The following CLDN16 variants were observed in gnomAD, a reference collection of about 807,000 sequenced individuals.
CLDN16 encodes the protein claudin 16, also known as claudin-16.
CLDN16 carries 13 observed loss-of-function variants against 24.6 expected under a neutral mutation model. That is an observed-to-expected ratio of 0.53 (90% CI 0.34 to 0.84). The LOEUF is 0.84. Among genes scored for constraint, CLDN16 ranks in the 40% least tolerant of loss-of-function variants. The pLI is 0.01. For missense variants in CLDN16, 298 were observed against 292.7 expected (o/e 1.02, Z -0.13); for synonymous variants, 116 against 106.7 (o/e 1.09, Z -0.54).
intron 1 of CLDN16, among the ~76,000 whole-genome samples, chr3:190,340,656 C>T (rs373513812): frequency 4.6e-5 from 7 of 152,114 alleles, no homozygotes; most frequent in African/African-American, 1.7e-4. Flanking sequence ...TAATCTTGTT[C>T]TAACATTTCA....
intron 1 of CLDN16, among the ~76,000 whole-genome samples, chr3:190,401,923 T>C (rs6770981): frequency 0.014 from 2,117 of 152,162 alleles, 45 homozygotes; most frequent in African/African-American, 0.049. Flanking sequence ...TTTAATAGAC[T>C]CAAGGTGTCA....
the CLDN16 span, among the ~76,000 whole-genome samples, chr3:190,314,263 T>C: frequency 6.6e-6 from 1 of 152,210 alleles, no homozygotes; most frequent in East Asian, 1.9e-4. Flanking sequence ...AGTGTTAATA[T>C]TGTCAAGATT....
chr3:190,353,404 C>A (rs1354455531), intron 1 of CLDN16, among the ~76,000 whole-genome samples: 1 of 151,998 alleles, frequency 6.6e-6, no homozygotes, highest in Non-Finnish European at 1.5e-5. Flanking sequence ...ATGGCAATGG[C>A]TTTCAAAGTC....
chr3:190,337,739 G>A (rs79710623), intron 1 of CLDN16, among the ~76,000 whole-genome samples: 5 of 152,264 alleles, frequency 3.3e-5, no homozygotes, highest in Admixed American at 1.3e-4. Context: ...GGATGTGTTT[G>A]CCTTTTCTAC....
At chr3:190,324,076 G>T (rs1320157565) in intron 1 of CLDN16, among the ~76,000 whole-genome samples, 2 of 152,156 alleles carry the variant, frequency 1.3e-5, no homozygotes, top group Non-Finnish European at 2.9e-5. Flanking sequence ...ATCAGAGAAG[G>T]CACTGGAATT....
chr3:190,391,976 T>C (rs1356965212), intron 1 of CLDN16, among the ~76,000 whole-genome samples: 2 of 152,202 alleles, frequency 1.3e-5, no homozygotes, highest in Non-Finnish European at 2.9e-5. Context: ...CTGCCTTCTA[T>C]TAAGCAAGTC....
intron 1 of CLDN16, among the ~76,000 whole-genome samples, chr3:190,393,810 G>A (rs142274053): frequency 6.7e-6 from 1 of 148,158 alleles, no homozygotes; most frequent in Non-Finnish European, 1.5e-5. Flanking sequence ...GAGTGCAGTG[G>A]CATGATCTTG....
chr3:190,350,267 C>T (rs139852436), intron 1 of CLDN16, among the ~76,000 whole-genome samples: 1 of 151,088 alleles, frequency 6.6e-6, no homozygotes, highest in East Asian at 1.9e-4. Context: ...TCAAATTAGC[C>T]CAAAGTCTGG....
chr3:190,409,729 C>T (rs1331522123), intron 4 of CLDN16, among the ~76,000 whole-genome samples, 174 bp from the exon 5 acceptor site: 2 of 151,802 alleles, frequency 1.3e-5, no homozygotes, highest in Non-Finnish European at 1.5e-5. Flanking sequence ...CTAAAAGAAA[C>T]TTTCAGAATG....
chr3:190,409,245 C>CGTATATGCATGTATATATGCACTCAT (rs1560100145), intron 4 of CLDN16, among the ~76,000 whole-genome samples: 1 of 97,270 alleles, frequency 1.0e-5, no homozygotes, highest in Non-Finnish European at 2.2e-5. Context: ...TATGCACACA[C>CGTATATGCATGTATATATGCACTCAT]GTATATGCAT....
chr3:190,347,321 G>C lies in CLDN16; in HGVS notation n.122-23572G>C, dbSNP rs73889972. Among the ~76,000 whole-genome samples the C allele has an allele frequency of 4.3e-4, 65 of 152,190 alleles. No homozygotes were observed. The Middle Eastern group carries it at 0.014, about 32-fold the overall frequency. On this transcript the variant is annotated intron_variant and non_coding_transcript_variant, in intron 1 of 4. Coordinates refer to the CLDN16 transcript ENST00000468220. ...TCAAGAAAAACTACCAGTTTTTCTG[G>C]GTAGACCTCCTATTTATAGTGCTAG...
intron 3 of CLDN16, among the ~76,000 whole-genome samples, chr3:190,381,139 G>A (rs549865193): frequency 5.9e-5 from 9 of 152,178 alleles, no homozygotes; most frequent in South Asian, 2.1e-4. Context: ...AGGTGACGCC[G>A]GTGCAGTGCA....
chr3:190,316,356 TG>T, the CLDN16 span, among the ~76,000 whole-genome samples: 1 of 152,214 alleles, frequency 6.6e-6, no homozygotes, highest in Non-Finnish European at 1.5e-5. Flanking sequence ...TTTGCTTCAT[TG>T]GAGATATTTG....
At chr3:190,350,324 A>G (rs952905439) in intron 1 of CLDN16, among the ~76,000 whole-genome samples, 1 of 143,964 alleles carries the variant, frequency 6.9e-6, no homozygotes, top group Non-Finnish European at 1.5e-5. Context: ...CTTGAAGTTT[A>G]AGAATCATAG....
At chr3:190,390,520 G>A (rs560618369) in intron 1 of CLDN16, among the ~76,000 whole-genome samples, 22 of 146,930 alleles carry the variant, frequency 1.5e-4, no homozygotes, top group African/African-American at 5.0e-4. Context: ...GCGACAGAGC[G>A]AGACTCCATC....
intron 1 of CLDN16, among the ~76,000 whole-genome samples, chr3:190,334,563 T>C (rs2108625215): frequency 6.6e-6 from 1 of 152,374 alleles, no homozygotes; most frequent in East Asian, 1.9e-4. Context: ...CAACTGAATC[T>C]TTCCACTTGC....
intron 1 of CLDN16, among the ~76,000 whole-genome samples, chr3:190,367,209 A>G (rs1246586392): frequency 6.6e-6 from 1 of 151,890 alleles, no homozygotes; most frequent in Admixed American, 6.6e-5. Context: ...TACTCTGATA[A>G]CTCCGAAGGT....
intron 1 of CLDN16, among the ~76,000 whole-genome samples, chr3:190,348,593 A>G (rs1357184290): frequency 1.3e-5 from 2 of 152,192 alleles, no homozygotes; most frequent in Non-Finnish European, 2.9e-5. Context: ...TATCCCATTA[A>G]AATAAAAACT....
intron 1 of CLDN16, among the ~76,000 whole-genome samples, chr3:190,348,087 CAAAAAA>C (rs777398020): frequency 9.7e-4 from 95 of 97,450 alleles, no homozygotes; most frequent in Non-Finnish European, 4.7e-4. Context: ...ACTGAAAATA[CAAAAAA>C]AAAAAAAAAA....
Sources: gnomAD v4.1 joint callset for allele counts (sites outside exome capture counted in the v4.1 genomes callset) on GRCh38, gnomAD v4.1.1 for gene constraint, MANE v1.5 for transcripts, NCBI Gene and HGNC (gene_info 2026-07-23, HGNC 2026-07-21) for gene names.